Variants in ACTR3C observed in about 807,000 individuals in gnomAD.
ACTR3C encodes actin related protein 3C, also known as actin-related protein 3C.
Under a neutral mutation model 26.3 loss-of-function variants are expected in ACTR3C, and 18 were observed. The observed-to-expected ratio is 0.68, with a 90% CI of 0.47 to 1.01. ACTR3C has a LOEUF of 1.01. Ranked by LOEUF, ACTR3C falls within the 50% of genes least tolerant of loss-of-function variation. The pLI is 0.00. For synonymous variants in ACTR3C, 55 were observed against 94.5 expected (o/e 0.58, Z 2.42); for missense variants, 184 against 250.7 (o/e 0.73, Z 1.80).
the ACTR3C span, among the ~76,000 whole-genome samples, chr7:150,194,578 T>A: frequency 2.9e-3 from 438 of 152,230 alleles, 2 homozygotes; most frequent in Non-Finnish European, 4.6e-3. Context: ...ACAGTTGATC[T>A]CTTTGGATTA....
At chr7:150,055,996 G>T in the ACTR3C span, among the ~76,000 whole-genome samples, 8 of 152,106 alleles carry the variant, frequency 5.3e-5, no homozygotes, top group Non-Finnish European at 1.2e-4. Flanking sequence ...GCATGTTAAA[G>T]CGTTCATTAT....
At chr7:150,044,212 G>A in the ACTR3C span, among the ~76,000 whole-genome samples, 1 of 152,132 alleles carries the variant, frequency 6.6e-6, no homozygotes. Flanking sequence ...CAAGCAGGCG[G>A]ATGACAAAGT....
intron 6 of ACTR3C, among the ~76,000 whole-genome samples, chr7:150,250,224 G>C (rs1400881840): frequency 8.3e-6 from 1 of 119,768 alleles, no homozygotes; most frequent in Non-Finnish European, 1.6e-5. Context: ...TTTTTTTTGA[G>C]ACGGAGTCTC....
chr7:150,098,146 AG>A, the ACTR3C span, among the ~76,000 whole-genome samples: 1 of 151,616 alleles, frequency 6.6e-6, no homozygotes, highest in Non-Finnish European at 1.5e-5. Flanking sequence ...CCAATAGTTT[AG>A]AGACACCTAC....
At chr7:149,891,201 TA>T in the ACTR3C span, 1 of 995,962 alleles carries the variant, frequency 1.0e-6, no homozygotes, top group East Asian at 2.6e-5. Flanking sequence ...CATTAAAAAA[TA>T]ATGGTCCTCA....
At chr7:150,275,721 A>C (rs1563169195) in intron 6 of ACTR3C, among the ~76,000 whole-genome samples, 1 of 152,072 alleles carries the variant, frequency 6.6e-6, no homozygotes, top group Admixed American at 6.6e-5. Context: ...TCAAAAAAAA[A>C]ACAAAACAAA....
the ACTR3C span, among the ~76,000 whole-genome samples, chr7:150,116,817 G>A: frequency 1.3e-5 from 2 of 152,054 alleles, no homozygotes; most frequent in Non-Finnish European, 1.5e-5. Context: ...GAACAGCTCC[G>A]ATCTGCAGCT....
the ACTR3C span, among the ~76,000 whole-genome samples, chr7:150,153,551 A>G: frequency 7.4e-6 from 1 of 135,146 alleles, no homozygotes; most frequent in Non-Finnish European, 1.5e-5. Context: ...TAGAATGGCA[A>G]TCATTAAAAA....
intron 1 of ACTR3C, among the ~76,000 whole-genome samples, chr7:150,317,345 G>A (rs370970829): frequency 2.6e-5 from 4 of 152,180 alleles, no homozygotes; most frequent in Admixed American, 6.5e-5. Context: ...AGGCCACTGC[G>A]CCCAGCCTTC....
chr7:149,993,176 C>A, the ACTR3C span, among the ~76,000 whole-genome samples: 1 of 147,288 alleles, frequency 6.8e-6, no homozygotes, highest in Admixed American at 6.8e-5. Flanking sequence ...TCCACTGACT[C>A]AAACGTCAGT....
chr7:149,944,988 G>A, the ACTR3C span, among the ~76,000 whole-genome samples: 29 of 151,438 alleles, frequency 1.9e-4, no homozygotes, highest in African/African-American at 3.7e-4. Flanking sequence ...TTGATCTCGT[G>A]GGCAGGTGAT....
chr7:150,158,629 TATAGAA>T, the ACTR3C span, among the ~76,000 whole-genome samples: 2 of 152,218 alleles, frequency 1.3e-5, no homozygotes, highest in Non-Finnish European at 2.9e-5. Flanking sequence ...AAGGTGGACT[TATAGAA>T]ATAGAGTAGA....
the ACTR3C span, among the ~76,000 whole-genome samples, chr7:149,902,465 A>G: frequency 1.3e-5 from 2 of 150,146 alleles, no homozygotes; most frequent in Non-Finnish European, 3.0e-5. Context: ...AAAATGAAAT[A>G]ATTGTTCAAG....
the ACTR3C span, among the ~76,000 whole-genome samples, chr7:150,091,721 G>A: frequency 6.9e-6 from 1 of 145,622 alleles, no homozygotes; most frequent in African/African-American, 2.5e-5. Context: ...GGTGGCTCAC[G>A]CCTGTAATCC....
At chr7:150,253,295 A>G (rs182730197) in intron 6 of ACTR3C, among the ~76,000 whole-genome samples, 134 of 152,278 alleles carry the variant, frequency 8.8e-4, no homozygotes, top group African/African-American at 3.1e-3. Context: ...TATCCTCTAG[A>G]ATTTAATTTC....
chr7:150,135,040 T>A, the ACTR3C span, among the ~76,000 whole-genome samples: 1 of 152,220 alleles, frequency 6.6e-6, no homozygotes, highest in South Asian at 2.1e-4. Flanking sequence ...GTGATCCGCC[T>A]GTCTCGGCCT....
At chr7:150,039,184 C>A in the ACTR3C span, among the ~76,000 whole-genome samples, 31 of 146,456 alleles carry the variant, frequency 2.1e-4, no homozygotes, top group Non-Finnish European at 4.2e-4. Flanking sequence ...CAGTCCCCGC[C>A]TCGCGGGGGG....
chr7:150,009,493 T>C, the ACTR3C span, among the ~76,000 whole-genome samples: 1 of 152,260 alleles, frequency 6.6e-6, no homozygotes, highest in South Asian at 2.1e-4. Flanking sequence ...TGTGTGTCTA[T>C]ATGTCTGTAT....
At chr7:149,889,687 T>C in the ACTR3C span, among the ~76,000 whole-genome samples, 1 of 152,026 alleles carries the variant, frequency 6.6e-6, no homozygotes, top group Admixed American at 6.6e-5. Flanking sequence ...CCCCACCCCA[T>C]CTCCACAAAA....
Sources: allele counts gnomAD v4.1 joint callset (sites outside exome capture counted in the v4.1 genomes callset), GRCh38; gene constraint gnomAD v4.1.1; transcripts MANE v1.5; gene names NCBI Gene and HGNC (gene_info 2026-07-23, HGNC 2026-07-21).